The following YAF2 variants were observed in gnomAD, a reference collection of about 807,000 sequenced individuals.
YAF2 encodes YY1-associated factor 2.
YAF2 carries 7 observed loss-of-function variants against 20.1 expected under a neutral mutation model. The observed-to-expected ratio is 0.35, with a 90% CI of 0.20 to 0.65. The LOEUF is 0.65. YAF2 is among the 30% of genes least tolerant of loss of function. The probability of loss-of-function intolerance (pLI) is 0.69; values close to 1 mark genes in which losing one functional copy is unlikely to be tolerated. For missense variants in YAF2, 151 were observed against 219.2 expected, an observed-to-expected ratio of 0.69 and a Z score of 1.96; for synonymous variants, 74 against 76.0, an observed-to-expected ratio of 0.97 and a Z score of 0.14.
At chr12:42,216,566 A>G (rs2067364500) in intron 2 of YAF2, among the ~76,000 whole-genome samples, 1 of 152,070 alleles carries the variant, frequency 6.6e-6, no homozygotes, top group Non-Finnish European at 1.5e-5. Context: ...GATGTTCCTC[A>G]AAAGTCTCTC....
intron 2 of YAF2, 163 bp downstream of exon 2, chr12:42,237,436 C>T (rs1232267966): frequency 6.1e-6 from 8 of 1,310,206 alleles, no homozygotes; most frequent in Non-Finnish European, 6.8e-6. Flanking sequence ...AAACCATCGC[C>T]TGGGTTGCGA....
rs1422706994 is a variant in YAF2 at position 42,158,398 on chromosome 12, G to GT, written c.*2190dup. The GT allele has an allele frequency of 6.6e-6, 1 of 151,856 alleles. No homozygotes were observed. Among genetic ancestry groups the GT allele is most frequent in the Non-Finnish European group, 1.5e-5 (1 of 68,000 alleles). 9.4% of individuals were successfully genotyped at this position (151,856 alleles called of 1,614,324 possible). On this transcript the variant is annotated 3_prime_UTR_variant, in exon 4 of 4. Coordinates refer to ENST00000534854, the MANE Select transcript of YAF2 (RefSeq NM_005748.6). ...AATAACTGTTACAAAAAATATTTTT[G>GT]TATTTTTGTAATGGGATTTTACCTA...
chr12:42,163,763 C>T (rs1039592382), intron 2 of YAF2, among the ~76,000 whole-genome samples: 3 of 152,140 alleles, frequency 2.0e-5, no homozygotes, highest in African/African-American at 7.2e-5. Flanking sequence ...TTCTCTGCTG[C>T]TCTCTAGGAG....
rs2068042162 is a variant in YAF2 at position 42,233,473 on chromosome 12, A to C, written c.152+4126T>G. 2.6e-5 allele frequency: 26 copies of C among 983,312 alleles called. No homozygotes were observed. In the South Asian group the frequency reaches 1.2e-3, roughly 45 times the overall value. The allele number at this position is 983,312 out of a possible 1,614,324, so 60.9% of individuals were successfully genotyped here. A position where few individuals can be genotyped will look rare whatever the true frequency, so the allele number is the denominator to read the frequency against. ...CACATTGATTATCACCCTCATACAG[A>C]CTATCCTTAATATTTAATATTTCAT... On this transcript the variant is annotated intron_variant, in intron 2 of 3. Coordinates refer to ENST00000534854, the MANE Select transcript of YAF2 (RefSeq NM_005748.6).
intron 2 of YAF2, among the ~76,000 whole-genome samples, chr12:42,195,095 C>T (rs2066715978): frequency 6.6e-6 from 1 of 152,140 alleles, no homozygotes; most frequent in Admixed American, 6.6e-5. Context: ...GAAACATACA[C>T]AAGCAATTAA....
At chr12:42,180,755 C>T (rs1428596927) in intron 2 of YAF2, among the ~76,000 whole-genome samples, 2 of 152,094 alleles carry the variant, frequency 1.3e-5, no homozygotes, top group African/African-American at 4.8e-5. Context: ...TTGAGACCAG[C>T]CTGGTCAACA....
At chr12:42,178,325 A>C (rs1180544187) in intron 2 of YAF2, among the ~76,000 whole-genome samples, 1 of 152,134 alleles carries the variant, frequency 6.6e-6, no homozygotes, top group East Asian at 1.9e-4. Context: ...CCAGGAATGA[A>C]GCCTGGTACA....
chr12:42,182,907 G>C (rs1016509689), intron 2 of YAF2, among the ~76,000 whole-genome samples: 3 of 152,000 alleles, frequency 2.0e-5, no homozygotes, highest in African/African-American at 7.2e-5. Context: ...ATTTTATTGT[G>C]CATTACTTTA....
chr12:42,213,114 C>T (rs1035050852), intron 2 of YAF2, among the ~76,000 whole-genome samples: 3 of 152,244 alleles, frequency 2.0e-5, no homozygotes, highest in Admixed American at 6.5e-5. Flanking sequence ...GAGTCCAAGG[C>T]GGGCCTTTCT....
chr12:42,197,482 A>G (rs1204993669), intron 2 of YAF2, among the ~76,000 whole-genome samples: 1 of 152,244 alleles, frequency 6.6e-6, no homozygotes, highest in Non-Finnish European at 1.5e-5. Flanking sequence ...ATTCCACACT[A>G]TATTCTCAGG....
intron 2 of YAF2, among the ~76,000 whole-genome samples, chr12:42,205,046 AGTT>A (rs1382829822): frequency 2.0e-5 from 3 of 146,998 alleles, no homozygotes; most frequent in African/African-American, 7.7e-5. Flanking sequence ...ATCTCAATAA[AGTT>A]GTTATTAAAA....
At chr12:42,211,189 G>A (rs1224739748) in intron 2 of YAF2, among the ~76,000 whole-genome samples, 1 of 152,036 alleles carries the variant, frequency 6.6e-6, no homozygotes, top group East Asian at 1.9e-4. Flanking sequence ...CACTTTGGGA[G>A]GCTGAGGCAA....
chr12:42,177,274 C>A (rs2066220056), intron 2 of YAF2, among the ~76,000 whole-genome samples: 2 of 152,128 alleles, frequency 1.3e-5, no homozygotes, highest in Non-Finnish European at 2.9e-5. Flanking sequence ...CTTGGGCTGT[C>A]ATAACAAAAT....
At chr12:42,222,032 A>G (rs1243721887) in intron 2 of YAF2, among the ~76,000 whole-genome samples, 1 of 152,256 alleles carries the variant, frequency 6.6e-6, no homozygotes, top group African/African-American at 2.4e-5. Flanking sequence ...CACAATAAAC[A>G]ATATTGTAGA....
chr12:42,218,747 C>T (rs2067432330), intron 2 of YAF2, among the ~76,000 whole-genome samples: 1 of 151,966 alleles, frequency 6.6e-6, no homozygotes, highest in African/African-American at 2.4e-5. Flanking sequence ...ATGAATTTAA[C>T]ATATGTTTCA....
chr12:42,236,486 C>A (rs1318347174), intron 2 of YAF2, among the ~76,000 whole-genome samples: 1 of 152,134 alleles, frequency 6.6e-6, no homozygotes, highest in African/African-American at 2.4e-5. Flanking sequence ...TCAAAACCAG[C>A]GAGCTTCACT....
intron 2 of YAF2, among the ~76,000 whole-genome samples, chr12:42,209,724 T>C (rs1006554864): frequency 1.4e-4 from 22 of 152,228 alleles, no homozygotes; most frequent in African/African-American, 5.3e-4. Context: ...TAAAGAAATG[T>C]ACACAAGAAT....
intron 2 of YAF2, among the ~76,000 whole-genome samples, chr12:42,219,082 C>G (rs1339733306): frequency 6.6e-6 from 1 of 152,146 alleles, no homozygotes; most frequent in Admixed American, 6.6e-5. Flanking sequence ...TTGCAAAACA[C>G]CCTTATAAAA....
At chr12:42,164,177 C>T (rs913720960) in intron 2 of YAF2, among the ~76,000 whole-genome samples, 2 of 152,262 alleles carry the variant, frequency 1.3e-5, no homozygotes, top group East Asian at 1.9e-4. Context: ...TCACATATGC[C>T]ATGATTAGAC....
Sources: gnomAD v4.1 joint callset for allele counts (sites outside exome capture counted in the v4.1 genomes callset) on GRCh38, gnomAD v4.1.1 for gene constraint, MANE v1.5 for transcripts, NCBI Gene and HGNC (gene_info 2026-07-23, HGNC 2026-07-21) for gene names.